Variants in CTDSPL2 observed in about 807,000 individuals in gnomAD.
The protein encoded by CTDSPL2 is CTD small phosphatase like 2.
CTDSPL2 carries 5 observed loss-of-function variants against 60.0 expected under a neutral mutation model. That is an observed-to-expected ratio of 0.08 (90% CI 0.04 to 0.18). The LOEUF (loss-of-function observed/expected upper bound fraction) is 0.18. Among genes scored for constraint, CTDSPL2 ranks in the 10% least tolerant of loss-of-function variants. The probability of loss-of-function intolerance (pLI) is 1.00; values close to 1 mark genes in which losing one functional copy is unlikely to be tolerated. For synonymous variants in CTDSPL2, 186 were observed against 189.3 expected (o/e 0.98, Z 0.14); for missense variants, 370 against 548.8 (o/e 0.67, Z 3.26).
chr15:44,432,772 A>G (rs960578501), intron 1 of CTDSPL2, among the ~76,000 whole-genome samples: 10 of 150,802 alleles, frequency 6.6e-5, no homozygotes, highest in Non-Finnish European at 1.3e-4. Context: ...GGTGCCCGCT[A>G]TCACGCCTGG....
At chr15:44,484,162 A>G (rs2081078038) in intron 2 of CTDSPL2, 62 bp from the exon 3 acceptor site, 3 of 1,431,332 alleles carry the variant, frequency 2.1e-6, no homozygotes, top group Non-Finnish European at 2.9e-6. Context: ...TCATTTTAAT[A>G]TTGTAACCTG....
intron 8 of CTDSPL2, among the ~76,000 whole-genome samples, chr15:44,507,187 C>T (rs866190189): frequency 6.6e-6 from 1 of 151,972 alleles, no homozygotes; most frequent in South Asian, 2.1e-4. Context: ...TGGGTTCAAG[C>T]GATTCTCCTG....
chr15:44,504,174 C>A (rs1305942194), intron 8 of CTDSPL2, among the ~76,000 whole-genome samples: 1 of 152,082 alleles, frequency 6.6e-6, no homozygotes, highest in East Asian at 1.9e-4. Context: ...ATGGCAAAAC[C>A]CTATCTCCAC....
chr15:44,459,355 G>A (rs779338036), intron 2 of CTDSPL2, among the ~76,000 whole-genome samples, 155 bp downstream of exon 2: 10 of 151,944 alleles, frequency 6.6e-5, no homozygotes, highest in African/African-American at 1.7e-4. Context: ...GTGAAACCCC[G>A]TCTCTACTAA....
At chr15:44,448,709 T>A in intron 1 of CTDSPL2, 1 of 334,910 alleles carries the variant, frequency 3.0e-6, no homozygotes, top group Non-Finnish European at 5.9e-6. Flanking sequence ...CCCATTCCAG[T>A]GCCTTTATTC....
chr15:44,470,259 G>A (rs2080779027), intron 2 of CTDSPL2, among the ~76,000 whole-genome samples: 1 of 151,892 alleles, frequency 6.6e-6, no homozygotes, highest in Admixed American at 6.6e-5. Flanking sequence ...GTATGTTGAA[G>A]CTTCATGTAT....
At position 44,471,971 on chromosome 15, in the gene CTDSPL2, TA is replaced by T. The variant is rs201621712; in HGVS notation, c.187-12240del. 3.7e-3 allele frequency among the ~76,000 whole-genome samples: 522 copies of T among 140,362 alleles called. 2 individuals are homozygous for T. The highest frequency in any genetic ancestry group is 8.7e-3 in the African/African-American group (335 of 38,392). The allele number at this position is 140,362 out of a possible 152,430, so 92.1% of individuals were successfully genotyped here. On this transcript the variant is annotated intron_variant, in intron 2 of 12. Transcript: ENST00000260327. ...TGTGTCCTGGGAATTGAATAAAAAT[TA>T]AAAAAAAAAAAAGAGAAAAAACAAA...
chr15:44,439,657 A>G lies in CTDSPL2; in HGVS notation c.-25+11885A>G, dbSNP rs927465547. Reference sequence around the variant, plus strand: ...CAGGTTTTGTATTTTCAAATTAGGGATACTCAACCTGTAATTTATCTAGTA... The same window carrying G: ...CAGGTTTTGTATTTTCAAATTAGGGGTACTCAACCTGTAATTTATCTAGTA... On this transcript the variant is annotated intron_variant, in intron 1 of 12. Coordinates refer to ENST00000260327, the MANE Select transcript of CTDSPL2 (RefSeq NM_016396.3). 2.0e-5 allele frequency among the ~76,000 whole-genome samples: 3 copies of G among 151,776 alleles called. 1 individual carries two copies. The highest frequency in any genetic ancestry group is 6.6e-5 in the Admixed American group (1 of 15,208).
At chr15:44,496,842 A>G (rs180740761) in intron 6 of CTDSPL2, among the ~76,000 whole-genome samples, 185 bp from the exon 7 acceptor site, 10 of 152,314 alleles carry the variant, frequency 6.6e-5, no homozygotes, top group African/African-American at 2.4e-4. Flanking sequence ...AAAACAAACA[A>G]ACAAAAACAG....
At chr15:44,512,966 G>A (rs1248155135) in intron 8 of CTDSPL2, among the ~76,000 whole-genome samples, 3 of 151,942 alleles carry the variant, frequency 2.0e-5, no homozygotes, top group South Asian at 2.1e-4. Context: ...CAGCTGCTCC[G>A]GAGGCTGGGG....
At chr15:44,439,100 ATAC>A (rs2080030941) in intron 1 of CTDSPL2, among the ~76,000 whole-genome samples, 1 of 151,398 alleles carries the variant, frequency 6.6e-6, no homozygotes, top group Non-Finnish European at 1.5e-5. Context: ...TTTCCTAAGC[ATAC>A]TCATTTTCCC....
chr15:44,491,599 A>G (rs2081215211), intron 5 of CTDSPL2, among the ~76,000 whole-genome samples: 1 of 152,228 alleles, frequency 6.6e-6, no homozygotes, highest in South Asian at 2.1e-4. Context: ...GTGTTCCACC[A>G]TTCTTAAAAG....
intron 4 of CTDSPL2, among the ~76,000 whole-genome samples, chr15:44,487,980 T>G (rs1380149934): frequency 6.6e-6 from 1 of 151,914 alleles, no homozygotes; most frequent in African/African-American, 2.4e-5. Flanking sequence ...TAGCTGGATG[T>G]GGTGGCATGT....
At chr15:44,485,689 C>T (rs186033918) in intron 3 of CTDSPL2, among the ~76,000 whole-genome samples, 2 of 152,316 alleles carry the variant, frequency 1.3e-5, no homozygotes, top group Non-Finnish European at 2.9e-5. Flanking sequence ...TTAGGGACCC[C>T]TGCTTTAGAG....
chr15:44,478,990 C>G (rs2080974576), intron 2 of CTDSPL2, among the ~76,000 whole-genome samples: 1 of 151,084 alleles, frequency 6.6e-6, no homozygotes, highest in Admixed American at 6.6e-5. Flanking sequence ...TAAAACGTGT[C>G]TTGAATTGAC....
Position 44,474,593 on chromosome 15 carries a change from C to T in CTDSPL2, c.187-9631C>T, listed in dbSNP as rs187152780. ...GCAATGGGCCAGGCTTGGTGGCTCA[C>T]GCCTGTAATTCCAGCACTTTGGGAG... On this transcript the variant is annotated intron_variant, in intron 2 of 12. Coordinates refer to ENST00000260327, the MANE Select transcript of CTDSPL2 (RefSeq NM_016396.3). Among the ~76,000 whole-genome samples the T allele has an allele frequency of 2.6e-4, 39 of 152,260 alleles. 2 individuals carry two copies. In the East Asian group the frequency reaches 3.3e-3, roughly 13 times the overall value.
intron 2 of CTDSPL2, among the ~76,000 whole-genome samples, chr15:44,474,061 C>T (rs1386390633): frequency 1.3e-5 from 2 of 152,240 alleles, no homozygotes; most frequent in African/African-American, 2.4e-5. Flanking sequence ...CTTCTGGGCT[C>T]AGGCAGTCTA....
At chr15:44,512,759 AGGAGGGGTATGT>A (rs1050818849) in intron 8 of CTDSPL2, among the ~76,000 whole-genome samples, 3 of 152,076 alleles carry the variant, frequency 2.0e-5, no homozygotes, top group African/African-American at 7.2e-5. Flanking sequence ...TTCTGCTTTG[AGGAGGGGTATGT>A]GGTTTACTTT....
chr15:44,438,602 A>G (rs1321083861), intron 1 of CTDSPL2, among the ~76,000 whole-genome samples: 1 of 152,152 alleles, frequency 6.6e-6, no homozygotes, highest in Non-Finnish European at 1.5e-5. Flanking sequence ...TGAAGAATAT[A>G]TTAGGAAAAA....
Sources: allele counts gnomAD v4.1 joint callset (sites outside exome capture counted in the v4.1 genomes callset), GRCh38; gene constraint gnomAD v4.1.1; transcripts MANE v1.5; gene names NCBI Gene and HGNC (gene_info 2026-07-23, HGNC 2026-07-21).